Variants in WWP1 observed in about 807,000 individuals in gnomAD.
WWP1 encodes the protein NEDD4-like E3 ubiquitin-protein ligase WWP1.
In WWP1, 49 loss-of-function variants were observed where a neutral mutation model predicts 130.6. That is an observed-to-expected ratio of 0.38 (90% confidence interval 0.30 to 0.48). The LOEUF is 0.48. Ranked by LOEUF, WWP1 falls within the 20% of genes least tolerant of loss-of-function variation. WWP1 has a pLI of 0.99. For synonymous variants in WWP1, 332 were observed against 367.8 expected, an observed-to-expected ratio of 0.90 and a Z score of 1.11; for missense variants, 809 against 1,100.6, an observed-to-expected ratio of 0.74 and a Z score of 3.75.
intron 9 of WWP1, among the ~76,000 whole-genome samples, chr8:86,418,836 A>G (rs150878560): frequency 5.9e-5 from 9 of 152,300 alleles, no homozygotes; most frequent in Admixed American, 3.3e-4. Flanking sequence ...TACACACCCA[A>G]CACAGATCCC....
chr8:86,381,507 A>G lies in WWP1; in HGVS notation c.212A>G (p.Asn71Ser), dbSNP rs781047134. The G allele has an allele frequency of 6.2e-7, 1 of 1,603,250 alleles. No individual in the cohort carries two copies. The highest frequency in any genetic ancestry group is 8.5e-7 in the Non-Finnish European group (1 of 1,177,710). ...NPKWDEQLTV[N>S]VTPQTTLEFQ... The stretch of plus-strand genomic sequence containing the variant: ...TGTTAATAATTTTACCCTTCCAGAA[A>G]TGTTACGCCACAGACTACATTGGAA... Residue 71 changes from asparagine to serine, a missense_variant and splice_region_variant, in exon 5 of 25, where the codon AAT becomes AGT. Physicochemically the swap from Asn to Ser is conservative, Grantham distance 46. Coordinates refer to ENST00000517970, the MANE Select transcript of WWP1 (RefSeq NM_007013.4).
intron 14 of WWP1, 37 bp downstream of exon 14, chr8:86,431,780 T>A: frequency 6.2e-7 from 1 of 1,609,872 alleles, no homozygotes; most frequent in Non-Finnish European, 8.5e-7. Flanking sequence ...TAAATATTGC[T>A]TAGTGAGCAC....
At chr8:86,439,769 C>A (rs1810495114) in intron 17 of WWP1, among the ~76,000 whole-genome samples, 1 of 152,138 alleles carries the variant, frequency 6.6e-6, no homozygotes, top group Non-Finnish European at 1.5e-5. Context: ...TCTGCCCCAG[C>A]CTAATTTGGC....
At chr8:86,344,683 C>G (rs10103691) in intron 1 of WWP1, among the ~76,000 whole-genome samples, 1 of 151,972 alleles carries the variant, frequency 6.6e-6, no homozygotes, top group Non-Finnish European at 1.5e-5. Context: ...TTGTAGAGCT[C>G]CTGGCTTCTG....
chr8:86,381,360 G>A, intron 4 of WWP1, 145 bp from the exon 5 acceptor site: 3 of 1,020,492 alleles, frequency 2.9e-6, no homozygotes, highest in South Asian at 3.5e-5. Context: ...GTAGTTTCCT[G>A]TTTCATACAA....
Position 86,466,955 on chromosome 8 carries a change from C to A in WWP1, c.*62C>A. On this transcript the variant is annotated 3_prime_UTR_variant, in exon 25 of 25. Transcript: ENST00000517970. ...AATACCCCAGCCAAGAAAAATTGCA[C>A]AGATAGTGTATATAAGCTGTTCATT... is the stretch of plus-strand genomic sequence containing the variant. 1 of 1,248,420 alleles carries A rather than the reference C, an allele frequency of 8.0e-7. No homozygotes were observed. The highest frequency in any genetic ancestry group is 1.2e-6 in the Non-Finnish European group (1 of 862,162). 77.3% of individuals were successfully genotyped at this position (1,248,420 alleles called of 1,614,324 possible).
At chr8:86,394,524 C>T (rs1191462049) in intron 5 of WWP1, among the ~76,000 whole-genome samples, 1 of 152,146 alleles carries the variant, frequency 6.6e-6, no homozygotes, top group African/African-American at 2.4e-5. Context: ...CAAAAACATT[C>T]TTTTAGTGGT....
intron 22 of WWP1, among the ~76,000 whole-genome samples, chr8:86,460,324 C>G (rs1429713579): frequency 6.6e-6 from 1 of 152,100 alleles, no homozygotes; most frequent in Non-Finnish European, 1.5e-5. Flanking sequence ...GTAATTGACT[C>G]AGGGAGGAAT....
At chr8:86,419,706 A>G (rs1464284475) in intron 9 of WWP1, among the ~76,000 whole-genome samples, 1 of 152,338 alleles carries the variant, frequency 6.6e-6, no homozygotes, top group East Asian at 1.9e-4. Context: ...TTGAAGAATA[A>G]ACACAAATTT....
intron 5 of WWP1, among the ~76,000 whole-genome samples, chr8:86,383,695 T>TGCGCCACTGCACTCCAAGCCTGG (rs1825119210): frequency 6.6e-6 from 1 of 152,134 alleles, no homozygotes; most frequent in East Asian, 1.9e-4. Context: ...GAACTGAGAT[T>TGCGCCACTGCACTCCAAGCCTGG]GCGCCACTGC....
intron 24 of WWP1, among the ~76,000 whole-genome samples, chr8:86,463,190 T>G (rs758067176): frequency 4.6e-5 from 7 of 152,176 alleles, no homozygotes; most frequent in Non-Finnish European, 1.0e-4. Context: ...TGAGAAGTAA[T>G]GATGTTAGCT....
chr8:86,389,457 G>C (rs1399543099), intron 5 of WWP1, among the ~76,000 whole-genome samples: 2 of 152,168 alleles, frequency 1.3e-5, no homozygotes, highest in African/African-American at 4.8e-5. Flanking sequence ...ATGTTTCAGA[G>C]AGCACCAGGT....
intron 1 of WWP1, among the ~76,000 whole-genome samples, chr8:86,346,522 A>G (rs1351469592): frequency 6.6e-6 from 1 of 152,230 alleles, no homozygotes; most frequent in Non-Finnish European, 1.5e-5. Context: ...TTCACAATGT[A>G]AATGAAGATT....
At chr8:86,374,408 G>GCATTTA (rs1563476182) in intron 3 of WWP1, among the ~76,000 whole-genome samples, 8 of 152,134 alleles carry the variant, frequency 5.3e-5, no homozygotes, top group Non-Finnish European at 1.2e-4. Context: ...TAATAGGATG[G>GCATTTA]AGCAGGATGC....
intron 9 of WWP1, among the ~76,000 whole-genome samples, chr8:86,421,504 T>TG (rs113700152): frequency 0.7 from 105,997 of 151,552 alleles, 37,662 homozygotes; most frequent in African/African-American, 0.76. Flanking sequence ...GGTTCTTTTT[T>TG]GGGGGGGTTC....
intron 9 of WWP1, among the ~76,000 whole-genome samples, chr8:86,422,649 A>G (rs1809294974): frequency 6.6e-6 from 1 of 152,056 alleles, no homozygotes; most frequent in African/African-American, 2.4e-5. Context: ...CTGGGATTAC[A>G]GGTGTGAGCC....
chr8:86,365,464 T>TA (rs1358517021), intron 1 of WWP1, among the ~76,000 whole-genome samples: 1 of 152,192 alleles, frequency 6.6e-6, no homozygotes, highest in African/African-American at 2.4e-5. Flanking sequence ...GGCTAAAAGG[T>TA]ACCTGTAGAT....
At chr8:86,441,409 GT>G (rs1387421698) in intron 17 of WWP1, among the ~76,000 whole-genome samples, 1 of 152,230 alleles carries the variant, frequency 6.6e-6, no homozygotes, top group East Asian at 1.9e-4. Flanking sequence ...CAGTGATTGT[GT>G]TTTATAACCT....
At chr8:86,416,097 G>A (rs1437754889) in intron 9 of WWP1, among the ~76,000 whole-genome samples, 8 of 152,172 alleles carry the variant, frequency 5.3e-5, no homozygotes, top group African/African-American at 1.9e-4. Flanking sequence ...GGCACTCATT[G>A]AACTTAATTA....
Sources: allele counts gnomAD v4.1 joint callset (sites outside exome capture counted in the v4.1 genomes callset), GRCh38; gene constraint gnomAD v4.1.1; transcripts MANE v1.5; gene names NCBI Gene and HGNC (gene_info 2026-07-23, HGNC 2026-07-21).